The following DHRS3 variants were observed in gnomAD, a reference collection of about 807,000 sequenced individuals.
DHRS3 encodes short-chain dehydrogenase/reductase 3.
In DHRS3, 14 loss-of-function variants were observed where a neutral mutation model predicts 27.2. The observed-to-expected ratio is 0.52, with a 90% CI of 0.34 to 0.81. The LOEUF (loss-of-function observed/expected upper bound fraction) is 0.81, where lower values mean the gene tolerates loss of function less well. DHRS3 is among the 30% of genes least tolerant of loss of function. The pLI is 0.01. For missense variants in DHRS3, 322 were observed against 406.2 expected (o/e 0.79, Z 1.78); for synonymous variants, 165 against 175.9 (o/e 0.94, Z 0.49).
intron 1 of DHRS3, among the ~76,000 whole-genome samples, chr1:12,603,159 G>A (rs967285654): frequency 3.3e-5 from 5 of 152,198 alleles, no homozygotes; most frequent in Non-Finnish European, 5.9e-5. Flanking sequence ...CCACACATCT[G>A]GGGTGGGAGT....
At chr1:12,571,746 C>T (rs907384084) in intron 5 of DHRS3, among the ~76,000 whole-genome samples, 18 of 152,042 alleles carry the variant, frequency 1.2e-4, no homozygotes, top group African/African-American at 4.3e-4. Flanking sequence ...GTTGGTCAGG[C>T]TGGTCTCGAA....
rs77092970 is a variant in DHRS3 at position 12,597,105 on chromosome 1, C to T, written c.196-16439G>A. On this transcript the variant is annotated intron_variant, in intron 1 of 5. Coordinates refer to ENST00000616661, the MANE Select transcript of DHRS3 (RefSeq NM_004753.7). The stretch of plus-strand genomic sequence containing the variant: ...GATCTCCCCCCGCCCTAGACGGAGT[C>T]TCACTCTGTCACCCAGGCTGGAGTG... Among the ~76,000 whole-genome samples the T allele has an allele frequency of 8.5e-5, 13 of 152,150 alleles. No individual in the cohort carries two copies. In the East Asian group the frequency reaches 2.3e-3, roughly 27 times the overall value.
chr1:12,575,393 C>A (rs569143179), intron 4 of DHRS3, among the ~76,000 whole-genome samples: 1 of 152,136 alleles, frequency 6.6e-6, no homozygotes, highest in East Asian at 1.9e-4. Context: ...ACTGACATGG[C>A]CAGTCTTGCT....
chr1:12,602,704 T>C (rs983605296), intron 1 of DHRS3, among the ~76,000 whole-genome samples: 6 of 152,210 alleles, frequency 3.9e-5, no homozygotes, highest in African/African-American at 7.2e-5. Flanking sequence ...TTTCACTACA[T>C]TTCCACACCT....
At chr1:12,581,467 C>T (rs1205252726) in intron 1 of DHRS3, among the ~76,000 whole-genome samples, 1 of 152,172 alleles carries the variant, frequency 6.6e-6, no homozygotes, top group African/African-American at 2.4e-5. Context: ...GCTTCAGTCA[C>T]TCCCCTAAGG....
At chr1:12,579,248 C>T (rs1388213836) in intron 3 of DHRS3, 45 bp downstream of exon 3, 3 of 1,613,800 alleles carry the variant, frequency 1.9e-6, no homozygotes, top group East Asian at 2.2e-5. Flanking sequence ...CCTGCCTGGG[C>T]TCCCTGCACG....
At chr1:12,581,204 A>G (rs1646640891) in intron 1 of DHRS3, among the ~76,000 whole-genome samples, 1 of 152,218 alleles carries the variant, frequency 6.6e-6, no homozygotes, top group Non-Finnish European at 1.5e-5. Flanking sequence ...TGATCAATCA[A>G]TTGATGTGTA....
At position 12,591,671 on chromosome 1, in the gene DHRS3, A is replaced by G. The variant is rs1253049066; in HGVS notation, c.196-11005T>C. On this transcript the variant is annotated intron_variant, in intron 1 of 5. Coordinates refer to ENST00000616661, the MANE Select transcript of DHRS3 (RefSeq NM_004753.7). The surrounding 1 kb of genome is among the most constrained non-coding windows in gnomAD (Gnocchi z 4.1). ...GTCCTCTGTCAGCTCAGAAGGGCTCATACCCGAGAAAACTGATACACGAAG... is the reference window on the plus strand; with the variant it reads ...GTCCTCTGTCAGCTCAGAAGGGCTCGTACCCGAGAAAACTGATACACGAAG... 6.6e-6 allele frequency among the ~76,000 whole-genome samples: 1 copy of G among 152,256 alleles called. No individual in the cohort carries two copies. The highest frequency in any genetic ancestry group is 1.5e-5 in the Non-Finnish European group (1 of 68,038).
At chr1:12,610,997 G>A (rs1011707500) in intron 1 of DHRS3, among the ~76,000 whole-genome samples, 1 of 152,128 alleles carries the variant, frequency 6.6e-6, no homozygotes, top group Non-Finnish European at 1.5e-5. Flanking sequence ...TTGTTACAGC[G>A]ATTGTGACAA....
intron 1 of DHRS3, among the ~76,000 whole-genome samples, chr1:12,582,113 C>T (rs1283265559): frequency 6.6e-6 from 1 of 152,142 alleles, no homozygotes; most frequent in Non-Finnish European, 1.5e-5. Flanking sequence ...TGACATCAGA[C>T]CCAGATCCAA....
At chr1:12,612,830 A>G (rs4846129) in intron 1 of DHRS3, among the ~76,000 whole-genome samples, 61,328 of 151,874 alleles carry the variant, frequency 0.4, 12,456 homozygotes, top group East Asian at 0.54. Flanking sequence ...AGGCTGAGGC[A>G]GGTGGATCAC....
chr1:12,581,310 T>A, intron 1 of DHRS3, among the ~76,000 whole-genome samples: 1 of 152,236 alleles, frequency 6.6e-6, no homozygotes, highest in South Asian at 2.1e-4. Context: ...GAGCTCTTTA[T>A]GCACAATGCT....
intron 1 of DHRS3, chr1:12,616,727 A>T: frequency 9.9e-7 from 1 of 1,009,120 alleles, no homozygotes; most frequent in Non-Finnish European, 1.2e-6. Flanking sequence ...CGGGTTGCCA[A>T]GGAAAATACG....
At chr1:12,607,671 G>A (rs1646880228) in intron 1 of DHRS3, among the ~76,000 whole-genome samples, 1 of 151,998 alleles carries the variant, frequency 6.6e-6, no homozygotes, top group South Asian at 2.1e-4. Flanking sequence ...TAAGACAAAG[G>A]GCATCCATTT....
chr1:12,615,895 C>T (rs1449040727), intron 1 of DHRS3, among the ~76,000 whole-genome samples: 1 of 152,146 alleles, frequency 6.6e-6, no homozygotes, highest in African/African-American at 2.4e-5. Flanking sequence ...TCCAAACCAC[C>T]CAAGGAGAAG....
chr1:12,579,170 C>T (rs1046495443), intron 3 of DHRS3, 123 bp downstream of exon 3: 2 of 1,079,548 alleles, frequency 1.9e-6, no homozygotes, highest in African/African-American at 2.9e-5. Flanking sequence ...TCTTGTCTGG[C>T]CACCTTGTTC....
rs1405511312 is a variant in DHRS3 at position 12,592,018 on chromosome 1, C to G, written c.196-11352G>C. On this transcript the variant is annotated intron_variant, in intron 1 of 5. Coordinates refer to ENST00000616661, the MANE Select transcript of DHRS3 (RefSeq NM_004753.7). This position sits in a 1 kb window ranked among gnomAD's most constrained non-coding sequence, Gnocchi z 4.2. ...GCTCAGGTGGGAGGACAGGTGAGGA[C>G]AGAAGCTGTTCTGAGCATGGGTCAG... Among the ~76,000 whole-genome samples, 1 of 152,134 alleles carries G rather than the reference C, an allele frequency of 6.6e-6. No individual in the cohort carries two copies. The highest frequency in any genetic ancestry group is 1.5e-5 in the Non-Finnish European group (1 of 68,018).
In DHRS3 at chr1:12,567,961, T is replaced by C. The variant is rs147683932; in HGVS notation, c.*379A>G. The C allele has an allele frequency of 7.7e-3, 1,314 of 170,898 alleles. 13 individuals are homozygous for C. The highest frequency in any genetic ancestry group is 0.03 in the African/African-American group (1,261 of 42,114). The allele number at this position is 170,898 out of a possible 1,614,324, so 10.6% of individuals were successfully genotyped here. A position where few individuals can be genotyped will look rare whatever the true frequency, so the allele number is the denominator to read the frequency against. ...TCATTCCTGCCGTTCAACCAGTTTG[T>C]GCAAGCTGAGGATGAGTGGGTTTTG... On this transcript the variant is annotated 3_prime_UTR_variant, in exon 6 of 6. Coordinates refer to ENST00000616661, the MANE Select transcript of DHRS3 (RefSeq NM_004753.7).
At chr1:12,604,256 C>T (rs757904596) in intron 1 of DHRS3, among the ~76,000 whole-genome samples, 2 of 152,170 alleles carry the variant, frequency 1.3e-5, no homozygotes, top group East Asian at 1.9e-4. Flanking sequence ...TCAGTGACCT[C>T]GGGCTTAACT....
Sources: gnomAD v4.1 joint callset for allele counts (sites outside exome capture counted in the v4.1 genomes callset) on GRCh38, gnomAD v4.1.1 for gene constraint, Gnocchi (gnomAD v3.1) non-coding constraint, MANE v1.5 for transcripts, NCBI Gene and HGNC (gene_info 2026-07-23, HGNC 2026-07-21) for gene names.